ELF5: variants seen among roughly 807,000 people sequenced by gnomAD.
ELF5 encodes the protein ETS-related transcription factor Elf-5.
ELF5 carries 31 observed loss-of-function variants against 38.2 expected under a neutral mutation model. That is an observed-to-expected ratio of 0.81 (90% CI 0.61 to 1.10). ELF5 has a LOEUF of 1.10. Ranked by LOEUF, ELF5 falls within the 50% of genes least tolerant of loss-of-function variation. ELF5 has a pLI of 0.00. For missense variants in ELF5, 300 were observed against 306.6 expected (o/e 0.98, Z 0.16); for synonymous variants, 121 against 112.5 (o/e 1.08, Z -0.48).
At chr11:34,493,166 C>T (rs757970643) in intron 3 of ELF5, 1 of 534,676 alleles carries the variant, frequency 1.9e-6, no homozygotes, top group Middle Eastern at 4.8e-4. Flanking sequence ...TTTGTCCATC[C>T]TGTGTGGTTT....
chr11:34,501,431 C>T (rs1850465242), intron 2 of ELF5, among the ~76,000 whole-genome samples: 1 of 152,102 alleles, frequency 6.6e-6, no homozygotes, highest in Non-Finnish European at 1.5e-5. Context: ...GGGTGTTGGT[C>T]TGTGGAGGTT....
intron 1 of ELF5, among the ~76,000 whole-genome samples, chr11:34,508,138 AG>A (rs558035272): frequency 1.2e-3 from 182 of 152,354 alleles, no homozygotes; most frequent in African/African-American, 4.1e-3. Context: ...CACCTAAATC[AG>A]GGGTTAGCAA....
At chr11:34,511,933 T>A (rs536929667) in intron 1 of ELF5, 1 of 271,046 alleles carries the variant, frequency 3.7e-6, no homozygotes, top group African/African-American at 2.2e-5. Flanking sequence ...AAATCATCAC[T>A]GGGCAGAACT....
At chr11:34,490,302 C>A (rs142881342) in intron 3 of ELF5, among the ~76,000 whole-genome samples, 57 of 152,344 alleles carry the variant, frequency 3.7e-4, no homozygotes, top group African/African-American at 8.4e-4. Flanking sequence ...GGCTTCCCAG[C>A]AGCCTCTGCA....
At chr11:34,498,947 C>T (rs981972351) in intron 2 of ELF5, among the ~76,000 whole-genome samples, 2 of 152,134 alleles carry the variant, frequency 1.3e-5, no homozygotes, top group South Asian at 2.1e-4. Flanking sequence ...CAAAAATTAG[C>T]GGGCGTGGTG....
chr11:34,482,649 T>G (rs533721752), intron 4 of ELF5, 150 bp from the exon 5 acceptor site: 63 of 605,272 alleles, frequency 1.0e-4, no homozygotes, highest in Admixed American at 1.7e-4. Flanking sequence ...AGGTGGCAGG[T>G]GTCAAGATGC....
intron 1 of ELF5, among the ~76,000 whole-genome samples, chr11:34,509,844 A>G (rs998176722): frequency 1.3e-5 from 2 of 152,150 alleles, no homozygotes; most frequent in African/African-American, 2.4e-5. Flanking sequence ...GTTGGGAGAA[A>G]GGAGAGGTGA....
At chr11:34,502,950 T>G (rs1018275538) in intron 2 of ELF5, among the ~76,000 whole-genome samples, 2 of 152,220 alleles carry the variant, frequency 1.3e-5, no homozygotes, top group African/African-American at 2.4e-5. Flanking sequence ...TGTCTAAGAC[T>G]TGGTTGGATT....
intron 3 of ELF5, 147 bp downstream of exon 3, chr11:34,493,328 ACTAG>A: frequency 1.3e-6 from 1 of 741,050 alleles, no homozygotes; most frequent in Non-Finnish European, 2.3e-6. Flanking sequence ...ATTCTGGCAT[ACTAG>A]CTTCCAGTTA....
intron 2 of ELF5, among the ~76,000 whole-genome samples, chr11:34,502,566 C>A (rs1024861341): frequency 1.3e-5 from 2 of 152,252 alleles, no homozygotes; most frequent in African/African-American, 4.8e-5. Flanking sequence ...TCACCCGGTG[C>A]CCAGGCAGCT....
chr11:34,482,563 T>C, intron 4 of ELF5, 64 bp from the exon 5 acceptor site: 3 of 1,339,214 alleles, frequency 2.2e-6, no homozygotes, highest in Non-Finnish European at 2.1e-6. Flanking sequence ...CCTCAAGTCA[T>C]ACCCAAATGA....
intron 2 of ELF5, among the ~76,000 whole-genome samples, chr11:34,494,710 G>A (rs1396323441): frequency 6.6e-6 from 1 of 152,172 alleles, no homozygotes; most frequent in African/African-American, 2.4e-5. Context: ...TGCTGTATTA[G>A]GTACTTGGTC....
At chr11:34,511,679 T>C in intron 1 of ELF5, 1 of 1,382,546 alleles carries the variant, frequency 7.2e-7, no homozygotes, top group South Asian at 1.2e-5. Flanking sequence ...GACAGGCCTG[T>C]GGGCTTCTCA....
chr11:34,493,145 C>G (rs1021289982), intron 3 of ELF5: 3 of 491,550 alleles, frequency 6.1e-6, no homozygotes, highest in African/African-American at 1.9e-5. Context: ...AGATGAAGCA[C>G]AAACCTCTTT....
intron 1 of ELF5, among the ~76,000 whole-genome samples, chr11:34,510,054 T>A (rs957680314): frequency 3.9e-5 from 6 of 152,202 alleles, no homozygotes; most frequent in Non-Finnish European, 8.8e-5. Flanking sequence ...TAGAAATATT[T>A]TTTGATCAAT....
At chr11:34,508,366 G>C (rs2064444345) in intron 1 of ELF5, among the ~76,000 whole-genome samples, 1 of 152,148 alleles carries the variant, frequency 6.6e-6, no homozygotes, top group African/African-American at 2.4e-5. Flanking sequence ...AGCTGGGTGT[G>C]TTGGTGCATG....
intron 1 of ELF5, among the ~76,000 whole-genome samples, chr11:34,510,635 G>C (rs1010972563): frequency 6.6e-6 from 1 of 152,124 alleles, no homozygotes; most frequent in Non-Finnish European, 1.5e-5. Context: ...CTGCTCAAGG[G>C]GGGTGATATT....
chr11:34,494,526 C>A (rs1476438553), intron 2 of ELF5, among the ~76,000 whole-genome samples: 1 of 152,122 alleles, frequency 6.6e-6, no homozygotes, highest in Admixed American at 6.5e-5. Flanking sequence ...AGATCAGAGC[C>A]CCCACTCCTT....
At chr11:34,502,046 G>A (rs890033848) in intron 2 of ELF5, among the ~76,000 whole-genome samples, 3 of 152,184 alleles carry the variant, frequency 2.0e-5, no homozygotes, top group Non-Finnish European at 2.9e-5. Context: ...GAGAGGGAAG[G>A]CTGTTTTTCC....
Sources: gnomAD v4.1 joint callset for allele counts (sites outside exome capture counted in the v4.1 genomes callset) on GRCh38, gnomAD v4.1.1 for gene constraint, MANE v1.5 for transcripts, NCBI Gene and HGNC (gene_info 2026-07-23, HGNC 2026-07-21) for gene names.